Variants in HOPX observed in about 807,000 individuals in gnomAD.
HOPX encodes homeodomain-only protein.
A neutral mutation model predicts 11.8 loss-of-function variants in HOPX; 5 were observed. That is an observed-to-expected ratio of 0.43 (90% CI 0.22 to 0.89). The LOEUF is 0.89. HOPX is among the 40% of genes least tolerant of loss of function. The pLI is 0.28. For synonymous variants in HOPX, 49 were observed against 49.7 expected, an observed-to-expected ratio of 0.99 and a Z score of 0.06; for missense variants, 119 against 120.0, an observed-to-expected ratio of 0.99 and a Z score of 0.04.
intron 1 of HOPX, among the ~76,000 whole-genome samples, chr4:56,660,980 G>A (rs1241398693): frequency 2.0e-5 from 3 of 152,034 alleles, no homozygotes; most frequent in African/African-American, 4.8e-5. Context: ...TAGAGGCAGG[G>A]TCTCGCTGTC....
chr4:56,677,461 T>A (rs968627188), intron 1 of HOPX, among the ~76,000 whole-genome samples: 2 of 151,756 alleles, frequency 1.3e-5, no homozygotes, highest in Admixed American at 1.3e-4. Context: ...AGATATGTTA[T>A]CTTGCTGGAA....
At chr4:56,665,872 C>A (rs1176451195) in intron 1 of HOPX, among the ~76,000 whole-genome samples, 1 of 152,184 alleles carries the variant, frequency 6.6e-6, no homozygotes, top group Non-Finnish European at 1.5e-5. Context: ...AATCTAACTT[C>A]TGCATCCATG....
chr4:56,656,075 G>T, intron 2 of HOPX, 63 bp from the exon 3 acceptor site: 1 of 1,397,008 alleles, frequency 7.2e-7, no homozygotes, highest in South Asian at 1.6e-5. Context: ...CGCAGCGAAG[G>T]AAGGCGGTCG....
intron 3 of HOPX, chr4:56,649,344 T>C (rs1333016228): frequency 6.6e-6 from 1 of 152,330 alleles, no homozygotes; most frequent in African/African-American, 2.4e-5. Flanking sequence ...AGTTAAAGCA[T>C]CTCCTTAATG....
At chr4:56,681,607 C>T (rs1207874171), upstream of HOPX, 2 of 999,810 alleles carry the variant, frequency 2.0e-6, no homozygotes, top group South Asian at 4.7e-5. Context: ...TGAGAGAAGA[C>T]GGGGAAGAGA....
At chr4:56,668,357 A>G (rs1262448875) in intron 1 of HOPX, among the ~76,000 whole-genome samples, 1 of 152,236 alleles carries the variant, frequency 6.6e-6, no homozygotes, top group African/African-American at 2.4e-5. Flanking sequence ...CAATAAAGAA[A>G]AAGCAGGAGT....
chr4:56,651,398 C>T (rs1216797836), intron 3 of HOPX, among the ~76,000 whole-genome samples: 1 of 146,032 alleles, frequency 6.8e-6, no homozygotes, highest in African/African-American at 2.7e-5. Flanking sequence ...CATTAAATAC[C>T]TTGCTTGCTT....
chr4:56,650,931 G>A, intron 3 of HOPX: 2 of 988,048 alleles, frequency 2.0e-6, no homozygotes, highest in Non-Finnish European at 1.4e-6. Flanking sequence ...TCTGGATTCT[G>A]GTATGAGAGC....
chr4:56,650,696 C>A (rs573576478), intron 3 of HOPX: 1 of 1,551,658 alleles, frequency 6.4e-7, no homozygotes, highest in Non-Finnish European at 8.7e-7. Flanking sequence ...TACACTGGGG[C>A]GGCAGTAGAG....
chr4:56,661,112 A>T (rs1718093834), intron 1 of HOPX, among the ~76,000 whole-genome samples: 1 of 152,154 alleles, frequency 6.6e-6, no homozygotes, highest in African/African-American at 2.4e-5. Context: ...GCGTCCAGCC[A>T]CTGCTTTTTA....
At chr4:56,679,269 T>A (rs1329113968) in intron 1 of HOPX, 1 of 152,100 alleles carries the variant, frequency 6.6e-6, no homozygotes, top group Non-Finnish European at 1.5e-5. Flanking sequence ...AATAATGTGG[T>A]TAAAGTATTG....
At chr4:56,661,013 G>A (rs1367411632) in intron 1 of HOPX, among the ~76,000 whole-genome samples, 2 of 152,120 alleles carry the variant, frequency 1.3e-5, no homozygotes, top group Non-Finnish European at 2.9e-5. Flanking sequence ...GAGTGCAGTG[G>A]TGTGATCATA....
chr4:56,677,473 C>G (rs1719076064), intron 1 of HOPX, among the ~76,000 whole-genome samples: 1 of 151,694 alleles, frequency 6.6e-6, no homozygotes, highest in East Asian at 1.9e-4. Context: ...TTGCTGGAAC[C>G]TACTTACTAT....
chr4:56,656,282 C>A (rs1409902613), intron 2 of HOPX: 3 of 1,156,942 alleles, frequency 2.6e-6, no homozygotes, highest in African/African-American at 1.6e-5. Context: ...GGACCCCTTG[C>A]AGGAACTGTA....
At chr4:56,662,377 C>T (rs986001172) in intron 1 of HOPX, 1 of 152,136 alleles carries the variant, frequency 6.6e-6, no homozygotes, top group African/African-American at 2.4e-5. Context: ...ACTCAGAATT[C>T]TACCTTTTAT....
Position 56,674,739 on chromosome 4 carries a change from C to G in HOPX, c.-84+6516G>C, listed in dbSNP as rs375863359. 2.1e-4 allele frequency among the ~76,000 whole-genome samples: 31 copies of G among 150,238 alleles called. 3 individuals carry two copies. The highest frequency in any genetic ancestry group is 7.5e-4 in the African/African-American group (30 of 39,814). Reference sequence around the variant, plus strand: ...GAGATGGGTAAAATTAACTTCTCTACTTTTTATTTATTTGTTTGTTTTAGA... The same window carrying G: ...GAGATGGGTAAAATTAACTTCTCTAGTTTTTATTTATTTGTTTGTTTTAGA... On this transcript the variant is annotated intron_variant, in intron 1 of 3. Transcript: ENST00000420433.
intron 1 of HOPX, among the ~76,000 whole-genome samples, chr4:56,677,717 G>A (rs1488862309): frequency 1.3e-5 from 2 of 151,464 alleles, no homozygotes; most frequent in African/African-American, 2.5e-5. Context: ...AGGTGCTGAG[G>A]GAGAGCTAAG....
chr4:56,668,510 A>G (rs1204066822), intron 1 of HOPX, among the ~76,000 whole-genome samples: 2 of 152,160 alleles, frequency 1.3e-5, no homozygotes, highest in Admixed American at 6.5e-5. Flanking sequence ...AGCTCTTGGC[A>G]TGTGGGAAGA....
chr4:56,673,171 A>G (rs1189192710), intron 1 of HOPX, among the ~76,000 whole-genome samples: 2 of 152,224 alleles, frequency 1.3e-5, no homozygotes, highest in Non-Finnish European at 1.5e-5. Context: ...GCAGGAGTCA[A>G]TAAGTAAAAG....
Sources: gnomAD v4.1 joint callset for allele counts (sites outside exome capture counted in the v4.1 genomes callset) on GRCh38, gnomAD v4.1.1 for gene constraint, MANE v1.5 for transcripts, NCBI Gene and HGNC (gene_info 2026-07-23, HGNC 2026-07-21) for gene names.